The following NELL2 variants were observed in gnomAD, a reference collection of about 807,000 sequenced individuals.
The protein encoded by NELL2 is protein kinase C-binding protein NELL2.
NELL2 carries 41 observed loss-of-function variants against 109.6 expected under a neutral mutation model. That is an observed-to-expected ratio of 0.37 (90% confidence interval 0.29 to 0.49). The LOEUF (loss-of-function observed/expected upper bound fraction) is 0.49. NELL2 is among the 20% of genes least tolerant of loss of function. The pLI is 0.98. For missense variants in NELL2, 900 were observed against 1,008.3 expected (o/e 0.89, Z 1.45); for synonymous variants, 355 against 344.7 (o/e 1.03, Z -0.33).
chr12:44,649,921 G>C (rs1181222225), intron 13 of NELL2, among the ~76,000 whole-genome samples: 2 of 152,060 alleles, frequency 1.3e-5, no homozygotes, highest in African/African-American at 4.8e-5. Flanking sequence ...ATTCTGCATA[G>C]GAATGTGGAA....
chr12:44,781,125 C>T (rs1389962998), intron 3 of NELL2, among the ~76,000 whole-genome samples: 1 of 148,202 alleles, frequency 6.7e-6, no homozygotes, highest in Non-Finnish European at 1.5e-5. Flanking sequence ...GCAGCACTGA[C>T]AAAAACAATT....
intron 1 of NELL2, among the ~76,000 whole-genome samples, chr12:44,907,019 C>G (rs1945726480): frequency 6.6e-6 from 1 of 151,970 alleles, no homozygotes; most frequent in South Asian, 2.1e-4. Context: ...ACCATGCTGT[C>G]CTGATGATAG....
chr12:44,780,871 T>C (rs1167292446), intron 3 of NELL2, among the ~76,000 whole-genome samples: 3 of 152,108 alleles, frequency 2.0e-5, no homozygotes, highest in Admixed American at 6.6e-5. Flanking sequence ...TACCTCCACC[T>C]GGCAGTAACA....
upstream of NELL2, among the ~76,000 whole-genome samples, chr12:44,878,115 C>T (rs536210268): frequency 1.3e-5 from 2 of 152,210 alleles, no homozygotes; most frequent in South Asian, 2.1e-4. Flanking sequence ...TCCTAACCAA[C>T]CTGTGTTCAA....
intron 9 of NELL2, among the ~76,000 whole-genome samples, chr12:44,742,164 T>C (rs1400922015): frequency 6.6e-6 from 1 of 152,032 alleles, no homozygotes; most frequent in Non-Finnish European, 1.5e-5. Context: ...ATATCCGCTG[T>C]TCTGCAGCCA....
chr12:44,702,931 A>G (rs1949272603), intron 12 of NELL2, among the ~76,000 whole-genome samples: 1 of 152,324 alleles, frequency 6.6e-6, no homozygotes, highest in Non-Finnish European at 1.5e-5. Context: ...ATCTCCACAG[A>G]TCTATGACAT....
At chr12:44,877,606 A>G (rs1434123470), upstream of NELL2, among the ~76,000 whole-genome samples, 2 of 152,174 alleles carry the variant, frequency 1.3e-5, no homozygotes, top group Admixed American at 6.5e-5. Context: ...TATAATATAC[A>G]TTTTATCTAT....
intron 2 of NELL2, among the ~76,000 whole-genome samples, chr12:44,824,698 T>C (rs375085139): frequency 1.4e-5 from 2 of 143,756 alleles, no homozygotes; most frequent in African/African-American, 2.5e-5. Context: ...TATTTATTTA[T>C]TTTTATTTTA....
chr12:44,519,181 A>G (rs555882811), intron 19 of NELL2, among the ~76,000 whole-genome samples: 2 of 152,358 alleles, frequency 1.3e-5, no homozygotes, highest in East Asian at 3.9e-4. Flanking sequence ...TATGCTGAGA[A>G]AAATCTGACA....
At chr12:44,566,285 A>G (rs1235132278) in intron 15 of NELL2, among the ~76,000 whole-genome samples, 4 of 152,138 alleles carry the variant, frequency 2.6e-5, no homozygotes, top group Non-Finnish European at 5.9e-5. Context: ...CCTATTGTAG[A>G]GATTACAGCA....
At chr12:44,674,937 T>C (rs956133103) in intron 12 of NELL2, among the ~76,000 whole-genome samples, 2 of 152,126 alleles carry the variant, frequency 1.3e-5, no homozygotes, top group African/African-American at 4.8e-5. Context: ...TTCAAGAGGG[T>C]AGAGAGCTTG....
rs192191022 is a variant in NELL2 at position 44,603,268 on chromosome 12, T to C, written c.1663+3901A>G. On this transcript the variant is annotated intron_variant, in intron 15 of 19. Transcript: ENST00000429094. ...CTTCTTTGATACTGCAGCAATTTTTTTTCAGCTTTGCCATTTGTTACCAAC... is the reference window on the plus strand; with the variant it reads ...CTTCTTTGATACTGCAGCAATTTTTCTTCAGCTTTGCCATTTGTTACCAAC... 1.6e-4 allele frequency among the ~76,000 whole-genome samples: 25 copies of C among 152,318 alleles called. No homozygotes were observed. The East Asian group carries it at 3.1e-3, about 19-fold the overall frequency.
At chr12:44,608,926 A>T (rs546868963) in intron 14 of NELL2, among the ~76,000 whole-genome samples, 9 of 150,286 alleles carry the variant, frequency 6.0e-5, no homozygotes, top group African/African-American at 1.5e-4. Context: ...GTATATATAT[A>T]TTTTTCCTAT....
intron 13 of NELL2, among the ~76,000 whole-genome samples, chr12:44,659,634 A>T (rs1024719544): frequency 9.2e-5 from 14 of 152,130 alleles, no homozygotes; most frequent in Non-Finnish European, 1.3e-4. Flanking sequence ...ATAACTTTTT[A>T]AAAAAATTCA....
intron 11 of NELL2, among the ~76,000 whole-genome samples, chr12:44,709,675 G>C (rs1409933476): frequency 2.0e-5 from 3 of 152,110 alleles, no homozygotes; most frequent in African/African-American, 7.2e-5. Context: ...GCATCACCTA[G>C]GAGCTTTTTT....
intron 13 of NELL2, among the ~76,000 whole-genome samples, chr12:44,660,205 G>C (rs1471010014): frequency 2.6e-5 from 4 of 152,136 alleles, no homozygotes; most frequent in African/African-American, 9.7e-5. Context: ...GGGGAACAGG[G>C]AAAGTTAAAA....
chr12:44,639,734 A>G (rs1946781113), intron 13 of NELL2, among the ~76,000 whole-genome samples: 1 of 151,870 alleles, frequency 6.6e-6, no homozygotes, highest in Non-Finnish European at 1.5e-5. Context: ...ACCAAACCAT[A>G]CTCCACACAG....
intron 15 of NELL2, among the ~76,000 whole-genome samples, chr12:44,555,670 T>C (rs1565918401): frequency 1.3e-5 from 2 of 152,138 alleles, no homozygotes. Flanking sequence ...GAGACCAGCA[T>C]GACAGGAGGC....
At position 44,882,111 on chromosome 12, in the gene NELL2, T is replaced by C. The variant is rs188517582; in HGVS notation, c.39-6211A>G. Among the ~76,000 whole-genome samples the C allele has an allele frequency of 1.7e-3, 262 of 151,892 alleles. 6 individuals carry two copies. Among genetic ancestry groups the C allele is most frequent in the African/African-American group, 5.9e-3 (242 of 41,300 alleles). On this transcript the variant is annotated intron_variant, in intron 1 of 20. Transcript: ENST00000333837. ...AAAAACTGATTGCCAATAGACCTAC[T>C]CTAAAATTATTGCTAAAGAAATTTC...
Sources: allele counts gnomAD v4.1 joint callset (sites outside exome capture counted in the v4.1 genomes callset), GRCh38; gene constraint gnomAD v4.1.1; transcripts MANE v1.5; gene names NCBI Gene and HGNC (gene_info 2026-07-23, HGNC 2026-07-21).